The following ATP8B4 variants were observed in gnomAD, a reference collection of about 807,000 sequenced individuals.
The protein encoded by ATP8B4 is ATPase phospholipid transporting 8B4 (putative).
ATP8B4 carries 133 observed loss-of-function variants against 145.6 expected under a neutral mutation model. The ratio of observed to expected loss-of-function variants is 0.91; its 90% confidence interval spans 0.79 to 1.05. ATP8B4 has a LOEUF of 1.05. Among genes scored for constraint, ATP8B4 ranks in the 50% least tolerant of loss-of-function variants. The pLI is 0.00. For synonymous variants in ATP8B4, 507 were observed against 492.9 expected, an observed-to-expected ratio of 1.03 and a Z score of -0.38; for missense variants, 1,458 against 1,425.2, an observed-to-expected ratio of 1.02 and a Z score of -0.37.
rs112103098 is a variant in ATP8B4 at position 49,945,533 on chromosome 15, C to T, written c.1288-11351G>A. ...TTGAAGGCCAGTATTATTCTGACAA[C>T]AAAACCAGACAAAGACAACACAAGA... On this transcript the variant is annotated intron_variant, in intron 14 of 27. Coordinates refer to ENST00000284509, the MANE Select transcript of ATP8B4 (RefSeq NM_024837.4). 6.3e-3 allele frequency among the ~76,000 whole-genome samples: 952 copies of T among 152,212 alleles called. 14 individuals are homozygous for T. Among genetic ancestry groups the T allele is most frequent in the African/African-American group, 0.022 (903 of 41,538 alleles).
rs2047951776 is a variant in ATP8B4 at position 50,002,242 on chromosome 15, A to G, written c.436-19T>C. On this transcript the variant is annotated intron_variant, in intron 7 of 27. Transcript: ENST00000284509. The stretch of plus-strand genomic sequence containing the variant: ...AATCAGCCTATTTTCAAAAATCATA[A>G]CAAAAGAATACTTGAGAAGTTAGAT... 1 of 1,579,874 alleles carries G rather than the reference A, an allele frequency of 6.3e-7. No individual in the cohort carries two copies. Among genetic ancestry groups the G allele is most frequent in the Non-Finnish European group, 8.7e-7 (1 of 1,152,218 alleles).
chr15:49,929,374 G>A (rs1359180562), intron 16 of ATP8B4, among the ~76,000 whole-genome samples: 2 of 152,090 alleles, frequency 1.3e-5, no homozygotes, highest in Non-Finnish European at 2.9e-5. Flanking sequence ...AAAGTTCATG[G>A]ACAAGCATAC....
At chr15:49,892,291 G>A (rs1350909999) in intron 23 of ATP8B4, among the ~76,000 whole-genome samples, 1 of 152,074 alleles carries the variant, frequency 6.6e-6, no homozygotes, top group African/African-American at 2.4e-5. Context: ...GAATACGATT[G>A]TAGTAGTATA....
At chr15:49,944,387 T>C (rs1157030615) in intron 14 of ATP8B4, among the ~76,000 whole-genome samples, 1 of 152,046 alleles carries the variant, frequency 6.6e-6, no homozygotes, top group African/African-American at 2.4e-5. Context: ...AAATATTCCA[T>C]GAAAATGGCA....
chr15:50,005,850 A>C lies in ATP8B4; in HGVS notation c.436-3627T>G. Among the ~76,000 whole-genome samples the C allele has an allele frequency of 2.0e-5, 3 of 152,338 alleles. 1 individual carries two copies. The highest frequency in any genetic ancestry group is 2.0e-4 in the Admixed American group (3 of 15,296). ...AAATCAAAACTACAATGGTGAAAGA[A>C]TATTTGGATTGTGGCTCCATGACCT... On this transcript the variant is annotated intron_variant, in intron 7 of 27. Transcript: ENST00000284509.
chr15:50,044,842 G>C (rs1567255594), intron 4 of ATP8B4, 150 bp from the exon 5 acceptor site: 12 of 562,076 alleles, frequency 2.1e-5, no homozygotes, highest in Non-Finnish European at 3.6e-5. Context: ...TTTGTATTTG[G>C]TTATAAGACA....
intron 1 of ATP8B4, among the ~76,000 whole-genome samples, chr15:50,143,592 G>A (rs2044239917): frequency 6.9e-6 from 1 of 144,942 alleles, no homozygotes; most frequent in Non-Finnish European, 1.5e-5. Flanking sequence ...ACTATACAGA[G>A]TCAGCCGTGA....
chr15:50,087,235 T>G (rs1307174146), intron 2 of ATP8B4, among the ~76,000 whole-genome samples: 4 of 133,268 alleles, frequency 3.0e-5, no homozygotes, highest in Middle Eastern at 0.011. Flanking sequence ...ATATTTATTA[T>G]ATATAATAGA....
intron 7 of ATP8B4, among the ~76,000 whole-genome samples, chr15:50,003,662 C>A (rs779322234): frequency 5.3e-5 from 8 of 152,122 alleles, no homozygotes; most frequent in Non-Finnish European, 8.8e-5. Context: ...GTCTATGGGC[C>A]TGCACCTCTC....
chr15:50,095,270 A>C (rs72734881), intron 2 of ATP8B4, among the ~76,000 whole-genome samples: 3,594 of 152,282 alleles, frequency 0.024, 55 homozygotes, highest in Non-Finnish European at 0.039. Flanking sequence ...CCAAAAAATC[A>C]GAGACTGAAA....
chr15:50,022,859 A>G (rs1344002830), intron 6 of ATP8B4, among the ~76,000 whole-genome samples: 1 of 152,220 alleles, frequency 6.6e-6, no homozygotes, highest in Non-Finnish European at 1.5e-5. Context: ...TTTAGGAATG[A>G]GATGGATAAG....
chr15:50,129,033 A>C (rs1331929678), intron 1 of ATP8B4, among the ~76,000 whole-genome samples: 1 of 152,158 alleles, frequency 6.6e-6, no homozygotes. Context: ...GCGTCATTGC[A>C]CTCCAGCCTG....
At chr15:50,130,263 C>T (rs1338924385) in intron 1 of ATP8B4, among the ~76,000 whole-genome samples, 1 of 152,104 alleles carries the variant, frequency 6.6e-6, no homozygotes, top group Admixed American at 6.6e-5. Flanking sequence ...GCTGCCTTTC[C>T]CCATCATGGC....
At chr15:50,167,127 G>C (rs554202720) in intron 1 of ATP8B4, among the ~76,000 whole-genome samples, 18 of 152,190 alleles carry the variant, frequency 1.2e-4, no homozygotes, top group Admixed American at 3.3e-4. Flanking sequence ...TCAACTACTG[G>C]ACTTTTTTTC....
intron 8 of ATP8B4, among the ~76,000 whole-genome samples, chr15:49,998,853 T>C (rs1383473731): frequency 1.1e-4 from 17 of 152,236 alleles, no homozygotes; most frequent in Non-Finnish European, 2.2e-4. Flanking sequence ...GGTTTTCTTC[T>C]AGGGTTTTTA....
chr15:49,990,964 A>G (rs2046999784), intron 9 of ATP8B4, among the ~76,000 whole-genome samples: 1 of 151,868 alleles, frequency 6.6e-6, no homozygotes, highest in Admixed American at 6.6e-5. Flanking sequence ...TCACCTTCCT[A>G]TTTTCTAAAG....
At chr15:49,925,993 A>G (rs565372313) in intron 16 of ATP8B4, among the ~76,000 whole-genome samples, 38 of 152,216 alleles carry the variant, frequency 2.5e-4, no homozygotes, top group East Asian at 9.7e-4. Flanking sequence ...TCTTCTCCCA[A>G]TGCTTTCCAT....
Position 50,041,138 on chromosome 15 carries a change from G to C in ATP8B4, c.301-2309C>G, listed in dbSNP as rs555858282. On this transcript the variant is annotated intron_variant, in intron 5 of 27. Transcript: ENST00000284509. ...CTCTATGAAGTGTGACTATAATGAAGACCTTTAAGGCCAATATGTAGGAAC... is the reference window on the plus strand; with the variant it reads ...CTCTATGAAGTGTGACTATAATGAACACCTTTAAGGCCAATATGTAGGAAC... Among the ~76,000 whole-genome samples the C allele has an allele frequency of 8.5e-5, 13 of 152,270 alleles. No individual in the cohort carries two copies. In the East Asian group the frequency reaches 2.3e-3, roughly 27 times the overall value.
intron 14 of ATP8B4, among the ~76,000 whole-genome samples, chr15:49,947,450 A>AG (rs908819545): frequency 1.3e-5 from 2 of 151,574 alleles, no homozygotes; most frequent in Non-Finnish European, 2.9e-5. Flanking sequence ...AAAAAAAAAA[A>AG]AAAAAGAAAA....
Sources: gnomAD v4.1 joint callset for allele counts (sites outside exome capture counted in the v4.1 genomes callset) on GRCh38, gnomAD v4.1.1 for gene constraint, MANE v1.5 for transcripts, NCBI Gene and HGNC (gene_info 2026-07-23, HGNC 2026-07-21) for gene names.